The following L3MBTL3 variants were observed in gnomAD, a reference collection of about 807,000 sequenced individuals.
L3MBTL3 encodes the protein L3MBTL histone methyl-lysine binding protein 3, also known as lethal(3)malignant brain tumor-like protein 3.
Under a neutral mutation model 102.3 loss-of-function variants are expected in L3MBTL3, and 27 were observed. That is an observed-to-expected ratio of 0.26 (90% confidence interval 0.19 to 0.36). The LOEUF (loss-of-function observed/expected upper bound fraction) is 0.36. L3MBTL3 is among the 10% of genes least tolerant of loss of function. The pLI is 1.00. For synonymous variants in L3MBTL3, 340 were observed against 320.9 expected (o/e 1.06, Z -0.64); for missense variants, 798 against 955.3 (o/e 0.84, Z 2.17).
intron 15 of L3MBTL3, among the ~76,000 whole-genome samples, 195 bp from the exon 16 acceptor site, chr6:130,085,945 G>A (rs1273414466): frequency 1.3e-5 from 2 of 152,008 alleles, no homozygotes; most frequent in Non-Finnish European, 2.9e-5. Flanking sequence ...TAGAGACAGG[G>A]TTCAGCCATG....
intron 2 of L3MBTL3, among the ~76,000 whole-genome samples, chr6:130,022,942 A>G (rs1019303050): frequency 2.6e-5 from 4 of 152,284 alleles, no homozygotes; most frequent in African/African-American, 7.2e-5. Context: ...CTTCTTTCCA[A>G]TACTCCAGGT....
intron 18 of L3MBTL3, among the ~76,000 whole-genome samples, chr6:130,096,252 AG>A (rs1562306891): frequency 5.9e-5 from 9 of 152,294 alleles, no homozygotes; most frequent in African/African-American, 2.2e-4. Flanking sequence ...TCCATAAATT[AG>A]TCACAGACCC....
intron 19 of L3MBTL3, among the ~76,000 whole-genome samples, chr6:130,117,347 C>A (rs570061674): frequency 4.0e-5 from 6 of 151,106 alleles, no homozygotes; most frequent in African/African-American, 1.5e-4. Context: ...GTATATGTGC[C>A]ACATTTTCTT....
intron 18 of L3MBTL3, among the ~76,000 whole-genome samples, chr6:130,101,132 A>G (rs1784660852): frequency 6.6e-6 from 1 of 152,202 alleles, no homozygotes; most frequent in South Asian, 2.1e-4. Flanking sequence ...ACAAAAACAC[A>G]CAATATAAGG....
intron 2 of L3MBTL3, among the ~76,000 whole-genome samples, chr6:130,023,059 C>T (rs760854397): frequency 6.6e-6 from 1 of 151,440 alleles, no homozygotes; most frequent in Non-Finnish European, 1.5e-5. Flanking sequence ...CTGTTTATAC[C>T]TTTTTTTTTC....
chr6:130,098,848 G>A (rs921847978), intron 18 of L3MBTL3, among the ~76,000 whole-genome samples: 2 of 148,262 alleles, frequency 1.3e-5, no homozygotes, highest in African/African-American at 5.0e-5. Flanking sequence ...GATAGAGCCT[G>A]CCTCGTGTGT....
At chr6:130,049,940 C>T (rs1780987847) in intron 5 of L3MBTL3, 110 bp downstream of exon 5, 7 of 1,345,894 alleles carry the variant, frequency 5.2e-6, no homozygotes, top group Non-Finnish European at 7.0e-6. Flanking sequence ...ACAATAGCAC[C>T]ATCCACCCAG....
chr6:130,106,541 T>C (rs1314543003), intron 19 of L3MBTL3, among the ~76,000 whole-genome samples: 5 of 152,194 alleles, frequency 3.3e-5, no homozygotes, highest in Admixed American at 3.3e-4. Context: ...CTTCCCCTTT[T>C]TGCGGCCCTG....
intron 1 of L3MBTL3, among the ~76,000 whole-genome samples, chr6:130,019,176 T>C (rs1485401258): frequency 6.6e-6 from 1 of 150,640 alleles, no homozygotes; most frequent in Non-Finnish European, 1.5e-5. Context: ...CTTGTCACTT[T>C]GGTCGCTTTC....
intron 3 of L3MBTL3, among the ~76,000 whole-genome samples, chr6:130,048,348 C>T (rs1467213741): frequency 2.6e-5 from 4 of 152,120 alleles, no homozygotes; most frequent in East Asian, 1.9e-4. Flanking sequence ...TAATGTTATT[C>T]TGTTTTATGG....
At chr6:130,125,778 A>G (rs1247153400) in intron 20 of L3MBTL3, among the ~76,000 whole-genome samples, 1 of 152,102 alleles carries the variant, frequency 6.6e-6, no homozygotes, top group Admixed American at 6.6e-5. Flanking sequence ...TGTGGGTAGC[A>G]TTTATTCTAG....
intron 2 of L3MBTL3, among the ~76,000 whole-genome samples, chr6:130,031,306 C>G (rs941869430): frequency 1.3e-5 from 2 of 152,208 alleles, no homozygotes; most frequent in Admixed American, 6.5e-5. Flanking sequence ...TGAATAAACT[C>G]TATCCTCTAA....
chr6:130,111,992 C>T (rs1785379976), intron 19 of L3MBTL3, among the ~76,000 whole-genome samples: 1 of 152,200 alleles, frequency 6.6e-6, no homozygotes. Context: ...GCTTCAGCCA[C>T]CCTGTCCTGA....
chr6:130,069,128 T>G (rs1782465276), intron 12 of L3MBTL3, among the ~76,000 whole-genome samples: 1 of 152,204 alleles, frequency 6.6e-6, no homozygotes, highest in African/African-American at 2.4e-5. Context: ...AATTCGCCTT[T>G]CACGCCCATC....
intron 19 of L3MBTL3, among the ~76,000 whole-genome samples, chr6:130,106,703 C>T (rs1179268041): frequency 6.6e-6 from 1 of 152,172 alleles, no homozygotes; most frequent in Non-Finnish European, 1.5e-5. Flanking sequence ...CTAATCATCT[C>T]CTCCCCTTCC....
chr6:130,059,178 G>A (rs566724666), intron 9 of L3MBTL3, among the ~76,000 whole-genome samples: 37 of 152,096 alleles, frequency 2.4e-4, no homozygotes, highest in Non-Finnish European at 4.6e-4. Flanking sequence ...GTCTCTTATA[G>A]CCCTGCCCCC....
chr6:130,082,802 T>C (rs538038787), intron 14 of L3MBTL3, among the ~76,000 whole-genome samples: 1 of 152,360 alleles, frequency 6.6e-6, no homozygotes, highest in Admixed American at 6.5e-5. Context: ...TGTATAAATA[T>C]ATGCAAAAAT....
intron 3 of L3MBTL3, among the ~76,000 whole-genome samples, chr6:130,047,712 C>G (rs1016253119): frequency 2.0e-5 from 3 of 152,058 alleles, no homozygotes; most frequent in Non-Finnish European, 4.4e-5. Flanking sequence ...TCTTTAATAT[C>G]ATTAATTAAT....
At chr6:130,126,061 A>G (rs1409993306) in intron 20 of L3MBTL3, among the ~76,000 whole-genome samples, 4 of 151,196 alleles carry the variant, frequency 2.6e-5, no homozygotes, top group Admixed American at 1.3e-4. Context: ...CTTTAACTCA[A>G]TACTTCCCTC....
Sources: gnomAD v4.1 joint callset for allele counts (sites outside exome capture counted in the v4.1 genomes callset) on GRCh38, gnomAD v4.1.1 for gene constraint, MANE v1.5 for transcripts, NCBI Gene and HGNC (gene_info 2026-07-23, HGNC 2026-07-21) for gene names.